GABRG3: variants seen among roughly 807,000 people sequenced by gnomAD.
GABRG3 encodes gamma-aminobutyric acid type A receptor subunit gamma3, also known as gamma-aminobutyric acid receptor subunit gamma-3.
A neutral mutation model predicts 48.8 loss-of-function variants in GABRG3; 25 were observed. The ratio of observed to expected loss-of-function variants is 0.51; its 90% CI spans 0.37 to 0.72. The LOEUF is 0.72. GABRG3 is among the 30% of genes least tolerant of loss of function. The probability of loss-of-function intolerance (pLI) is 0.00; values close to 1 mark genes in which losing one functional copy is unlikely to be tolerated. For synonymous variants in GABRG3, 227 were observed against 217.6 expected, an observed-to-expected ratio of 1.04 and a Z score of -0.38; for missense variants, 394 against 577.9, an observed-to-expected ratio of 0.68 and a Z score of 3.26.
Position 27,447,391 on chromosome 15 carries a change from G to A in GABRG3, c.575-33259G>A, listed in dbSNP as rs1888974019. 6.6e-6 allele frequency among the ~76,000 whole-genome samples: 1 copy of A among 152,158 alleles called. No homozygotes were observed. Among genetic ancestry groups the A allele is most frequent in the South Asian group, 2.1e-4 (1 of 4,820 alleles). On this transcript the variant is annotated intron_variant, in intron 5 of 9. Coordinates refer to ENST00000615808, the MANE Select transcript of GABRG3 (RefSeq NM_033223.5). The surrounding 1 kb of genome is among the most constrained non-coding windows in gnomAD (Gnocchi z 4.0). ...GGGGACATTTATGCTATGGGAAATG[G>A]GGAGTCACTGAGGATTTTAGTCAGA...
At chr15:26,994,200 A>G (rs555885144) in intron 2 of GABRG3, among the ~76,000 whole-genome samples, 2 of 151,934 alleles carry the variant, frequency 1.3e-5, no homozygotes, top group Admixed American at 1.3e-4. Flanking sequence ...GTCCATTTAC[A>G]TTCAATGTGA....
chr15:26,998,984 C>T (rs576976874), intron 2 of GABRG3, among the ~76,000 whole-genome samples: 1 of 152,212 alleles, frequency 6.6e-6, no homozygotes, highest in East Asian at 1.9e-4. Flanking sequence ...CCATGCTCCT[C>T]ATTTTGCCAT....
At chr15:27,504,245 T>A (rs774209615) in intron 6 of GABRG3, among the ~76,000 whole-genome samples, 5 of 152,162 alleles carry the variant, frequency 3.3e-5, no homozygotes, top group Non-Finnish European at 7.4e-5. Flanking sequence ...TCATCTTTTG[T>A]TCTTTTTCTC....
rs150048068 is a variant in GABRG3, at chr15:27,535,351, C to T, written c.*2470C>T. Reference sequence around the variant, plus strand: ...TTACCTTAAAAGAATTTTACTGATGCCTTGTGTTTCAAAACCACTCAACAT... The same window carrying T: ...TTACCTTAAAAGAATTTTACTGATGTCTTGTGTTTCAAAACCACTCAACAT... On this transcript the variant is annotated 3_prime_UTR_variant, in exon 10 of 10. Transcript: ENST00000615808. 1 of 152,150 alleles carries T rather than the reference C, an allele frequency of 6.6e-6. No individual in the cohort carries two copies. The highest frequency in any genetic ancestry group is 1.5e-5 in the Non-Finnish European group (1 of 68,024). 9.4% of individuals were successfully genotyped at this position (152,150 alleles called of 1,614,324 possible). A position where few individuals can be genotyped will look rare whatever the true frequency, so the allele number is the denominator to read the frequency against.
chr15:27,265,460 A>G (rs1374496795), intron 3 of GABRG3, among the ~76,000 whole-genome samples: 4 of 152,246 alleles, frequency 2.6e-5, no homozygotes, highest in Non-Finnish European at 5.9e-5. Context: ...TAAAACTCTA[A>G]GCCTTATTTC....
At chr15:27,192,759 G>T (rs1375090752) in intron 3 of GABRG3, among the ~76,000 whole-genome samples, 2 of 152,192 alleles carry the variant, frequency 1.3e-5, no homozygotes, top group African/African-American at 4.8e-5. Flanking sequence ...TTGCTGGTGA[G>T]GAACTGTGAT....
At position 27,475,086 on chromosome 15, in the gene GABRG3, C is replaced by T. The variant is rs140945964; in HGVS notation, c.575-5564C>T. Among the ~76,000 whole-genome samples the T allele has an allele frequency of 7.8e-3, 1,184 of 152,098 alleles. 11 individuals are homozygous for T. Among genetic ancestry groups the T allele is most frequent in the Admixed American group, 0.011 (171 of 15,270 alleles). On this transcript the variant is annotated intron_variant, in intron 5 of 9. Transcript: ENST00000615808. ...TGGAGGTTGCAGTGAGCTGAGATCG[C>T]GCCAGTGCACTCCAACCTGGGCAAC...
intron 5 of GABRG3, among the ~76,000 whole-genome samples, chr15:27,458,553 C>T (rs2150834440): frequency 6.6e-6 from 1 of 152,326 alleles, no homozygotes; most frequent in African/African-American, 2.4e-5. Context: ...GAGATGCAAG[C>T]TCCATCTCAT....
At chr15:27,504,440 T>C (rs969548486) in intron 6 of GABRG3, among the ~76,000 whole-genome samples, 3 of 152,176 alleles carry the variant, frequency 2.0e-5, no homozygotes, top group African/African-American at 7.2e-5. Flanking sequence ...TACCACAGGG[T>C]ACCCTTAAAT....
chr15:27,155,628 A>G (rs774255261), intron 3 of GABRG3, among the ~76,000 whole-genome samples: 1 of 152,198 alleles, frequency 6.6e-6, no homozygotes, highest in Non-Finnish European at 1.5e-5. Context: ...ACAGAAGTCC[A>G]GTTTCCGTCC....
chr15:26,973,829 T>G (rs78603798), intron 1 of GABRG3, among the ~76,000 whole-genome samples: 5,284 of 152,314 alleles, frequency 0.035, 325 homozygotes, highest in African/African-American at 0.12. Flanking sequence ...GAGTTGTTGT[T>G]TGACTATGAC....
intron 3 of GABRG3, chr15:27,271,716 C>A: frequency 2.3e-6 from 1 of 436,256 alleles, no homozygotes; most frequent in Non-Finnish European, 4.6e-6. Context: ...GCCAGAGGGA[C>A]CTCCTGCACC....
chr15:27,019,246 A>T (rs991506819), intron 2 of GABRG3, among the ~76,000 whole-genome samples: 4 of 151,046 alleles, frequency 2.6e-5, no homozygotes, highest in Non-Finnish European at 5.9e-5. Context: ...TTTTTTTTGT[A>T]TTTTTAGTAG....
chr15:27,442,117 G>C lies in GABRG3; in HGVS notation c.575-38533G>C, dbSNP rs145872790. On this transcript the variant is annotated intron_variant, in intron 5 of 9. Coordinates refer to ENST00000615808, the MANE Select transcript of GABRG3 (RefSeq NM_033223.5). ...CCTGCCAGGAGCTGAGGGTTTGGGAGATCTGAGTTCCTGGGGCTGCTGGGA... is the reference window on the plus strand; with the variant it reads ...CCTGCCAGGAGCTGAGGGTTTGGGACATCTGAGTTCCTGGGGCTGCTGGGA... Among the ~76,000 whole-genome samples the C allele has an allele frequency of 6.3e-3, 954 of 152,272 alleles. 12 individuals are homozygous for C. The highest frequency in any genetic ancestry group is 0.022 in the African/African-American group (901 of 41,548).
intron 3 of GABRG3, among the ~76,000 whole-genome samples, chr15:27,133,100 T>A (rs1219842455): frequency 6.6e-6 from 1 of 152,122 alleles, no homozygotes; most frequent in Non-Finnish European, 1.5e-5. Flanking sequence ...TTCCACATAT[T>A]TGTGATTTTT....
At chr15:27,403,300 C>T (rs548937902) in intron 5 of GABRG3, among the ~76,000 whole-genome samples, 1 of 151,892 alleles carries the variant, frequency 6.6e-6, no homozygotes, top group Non-Finnish European at 1.5e-5. Context: ...AAGAGCCAGG[C>T]ATATGTAATT....
intron 6 of GABRG3, among the ~76,000 whole-genome samples, chr15:27,507,460 T>G (rs1190172462): frequency 6.6e-6 from 1 of 152,158 alleles, no homozygotes. Context: ...GCCAAGATCC[T>G]ACCACTGCAC....
intron 3 of GABRG3, among the ~76,000 whole-genome samples, chr15:27,088,143 A>G (rs1192311650): frequency 6.7e-6 from 1 of 150,004 alleles, no homozygotes; most frequent in East Asian, 2.0e-4. Flanking sequence ...ATGTGTGTGG[A>G]GAGGCCTGAA....
At chr15:27,142,454 C>T (rs758610128) in intron 3 of GABRG3, among the ~76,000 whole-genome samples, 2 of 152,122 alleles carry the variant, frequency 1.3e-5, no homozygotes, top group Non-Finnish European at 2.9e-5. Flanking sequence ...CCTGATCAAA[C>T]CATGAGATCT....
Sources: allele counts gnomAD v4.1 joint callset (sites outside exome capture counted in the v4.1 genomes callset), GRCh38; gene constraint gnomAD v4.1.1; non-coding constraint Gnocchi (gnomAD v3.1); transcripts MANE v1.5; gene names NCBI Gene and HGNC (gene_info 2026-07-23, HGNC 2026-07-21).